LRRC4C: variants seen among roughly 807,000 people sequenced by gnomAD.
LRRC4C encodes the protein leucine rich repeat containing 4C.
Under a neutral mutation model 33.6 loss-of-function variants are expected in LRRC4C, and 5 were observed. That is an observed-to-expected ratio of 0.15 (90% CI 0.08 to 0.31). LRRC4C has a LOEUF of 0.31. LRRC4C is among the 10% of genes least tolerant of loss of function. LRRC4C has a pLI of 1.00. For missense variants in LRRC4C, 560 were observed against 796.7 expected, an observed-to-expected ratio of 0.70 and a Z score of 3.58; for synonymous variants, 329 against 302.0, an observed-to-expected ratio of 1.09 and a Z score of -0.93.
chr11:40,682,494 G>T (rs1461733818), intron 2 of LRRC4C, among the ~76,000 whole-genome samples: 2 of 152,028 alleles, frequency 1.3e-5, no homozygotes, highest in Non-Finnish European at 2.9e-5. Context: ...ATCTTTGTTT[G>T]TCTGGGTGCA....
At chr11:41,420,534 A>G (rs552562652) in intron 1 of LRRC4C, among the ~76,000 whole-genome samples, 2 of 152,216 alleles carry the variant, frequency 1.3e-5, no homozygotes, top group African/African-American at 2.4e-5. Context: ...TTGCTAGTGC[A>G]TATTTTCCTT....
intron 2 of LRRC4C, among the ~76,000 whole-genome samples, chr11:40,720,824 GTTA>G (rs1253509864): frequency 6.6e-6 from 1 of 152,146 alleles, no homozygotes; most frequent in Admixed American, 6.5e-5. Flanking sequence ...ATGTATAGGT[GTTA>G]TTCATGAGCA....
intron 1 of LRRC4C, among the ~76,000 whole-genome samples, chr11:41,210,767 T>C (rs988303905): frequency 3.9e-5 from 6 of 152,266 alleles, no homozygotes; most frequent in South Asian, 4.1e-4. Flanking sequence ...AACTTCACAG[T>C]TTATCATTCA....
chr11:41,447,031 G>A (rs900127357), intron 1 of LRRC4C, among the ~76,000 whole-genome samples: 4 of 152,184 alleles, frequency 2.6e-5, no homozygotes, highest in African/African-American at 7.2e-5. Context: ...AGCAGACAGA[G>A]TAGGCCATCG....
At chr11:40,379,521 T>A (rs1315713818) in intron 3 of LRRC4C, among the ~76,000 whole-genome samples, 1 of 152,178 alleles carries the variant, frequency 6.6e-6, no homozygotes, top group Non-Finnish European at 1.5e-5. Flanking sequence ...CTGAAATTAC[T>A]TTTATCTTTC....
rs372488464 is a variant in LRRC4C at position 40,114,523 on chromosome 11, G to A, written c.1770C>T (p.Ile590=). The A allele has an allele frequency of 1.9e-5, 30 of 1,613,984 alleles. No individual in the cohort carries two copies. Among genetic ancestry groups the A allele is most frequent in the African/African-American group, 5.3e-5 (4 of 74,902 alleles). ...TATAGTGATTTAGGTGCTCATGCTC[G>A]ATAGCAGGCATGGGCAGGTGGCTTT... ...PMESHLPMPA[I]EHEHLNHYNS... Residue 590 remains isoleucine (I), a synonymous_variant, in exon 7 of 7, where the codon ATC becomes ATT. Transcript: ENST00000528697.
At chr11:41,161,888 G>T (rs1415344514) in intron 1 of LRRC4C, among the ~76,000 whole-genome samples, 1 of 152,158 alleles carries the variant, frequency 6.6e-6, no homozygotes, top group African/African-American at 2.4e-5. Context: ...ACACCTCTAG[G>T]TGGTTTCACC....
Position 40,606,724 on chromosome 11 carries a change from G to A in LRRC4C, c.-270+41418C>T, listed in dbSNP as rs376573691. Reference sequence around the variant, plus strand: ...TTTGGAGGTGAGGAATACAATCACTGAAACGAAAAACTTATTTGTGGGGGT... The same window carrying A: ...TTTGGAGGTGAGGAATACAATCACTAAAACGAAAAACTTATTTGTGGGGGT... On this transcript the variant is annotated intron_variant, in intron 3 of 6. Coordinates refer to ENST00000528697, the MANE Select transcript of LRRC4C (RefSeq NM_001258419.2). Among the ~76,000 whole-genome samples, 3 of 152,140 alleles carry A rather than the reference G, an allele frequency of 2.0e-5. No homozygotes were observed. In the East Asian group the frequency reaches 5.8e-4, roughly 29 times the overall value.
chr11:41,447,669 C>A (rs967798060), intron 1 of LRRC4C, among the ~76,000 whole-genome samples: 3 of 152,176 alleles, frequency 2.0e-5, no homozygotes, highest in Non-Finnish European at 4.4e-5. Flanking sequence ...AATGGTAAGA[C>A]AACCCTGAAA....
chr11:40,965,242 G>A (rs920568803), intron 1 of LRRC4C, among the ~76,000 whole-genome samples: 1 of 151,934 alleles, frequency 6.6e-6, no homozygotes, highest in African/African-American at 2.4e-5. Context: ...AAATTTGTTT[G>A]AGTTCATTGT....
chr11:40,719,458 G>A (rs1021517932), intron 2 of LRRC4C, among the ~76,000 whole-genome samples: 6 of 152,052 alleles, frequency 3.9e-5, no homozygotes, highest in Non-Finnish European at 5.9e-5. Context: ...GTTAGATCTC[G>A]GAGTCATAGC....
chr11:40,442,886 A>C (rs1402993858), intron 3 of LRRC4C, among the ~76,000 whole-genome samples: 1 of 152,198 alleles, frequency 6.6e-6, no homozygotes, highest in Non-Finnish European at 1.5e-5. Flanking sequence ...AATTGCCTGT[A>C]CTTTATGTCT....
chr11:40,584,900 C>A (rs1958643736), intron 3 of LRRC4C, among the ~76,000 whole-genome samples: 1 of 150,392 alleles, frequency 6.6e-6, no homozygotes. Flanking sequence ...CCACCACATT[C>A]CAAATTGGGC....
At chr11:41,148,918 T>C (rs1943854847) in intron 1 of LRRC4C, among the ~76,000 whole-genome samples, 1 of 152,144 alleles carries the variant, frequency 6.6e-6, no homozygotes, top group South Asian at 2.1e-4. Flanking sequence ...TACCGAATCA[T>C]AGCACCAGCT....
intron 1 of LRRC4C, among the ~76,000 whole-genome samples, chr11:41,333,435 G>A (rs959632): frequency 0.2 from 30,196 of 152,100 alleles, 3,305 homozygotes; most frequent in East Asian, 0.45. Flanking sequence ...GCGTATTTTA[G>A]GAATTATTCA....
At chr11:41,365,153 C>T (rs145406902) in intron 1 of LRRC4C, among the ~76,000 whole-genome samples, 3 of 152,258 alleles carry the variant, frequency 2.0e-5, no homozygotes, top group African/African-American at 4.8e-5. Flanking sequence ...GCTAGCATTA[C>T]TGCCTGAGCT....
rs748483585 is a variant in LRRC4C, at chr11:40,834,911, G to GACAGACAGACACACACACACACACACAC, written c.-407+98723_-407+98724insGTGTGTGTGTGTGTGTGTGTCTGTCTGT. 2.3e-3 allele frequency among the ~76,000 whole-genome samples: 196 copies of GACAGACAGACACACACACACACACACAC among 84,922 alleles called. 3 individuals are homozygous for GACAGACAGACACACACACACACACACAC. Among genetic ancestry groups the GACAGACAGACACACACACACACACACAC allele is most frequent in the East Asian group, 4.7e-3 (10 of 2,126 alleles). 55.7% of individuals were successfully genotyped at this position (84,922 alleles called of 152,430 possible). ...AGACAGACAGACAGACAGACAGACA[G>GACAGACAGACACACACACACACACACAC]ACACACACACACACACACACACACA... On this transcript the variant is annotated intron_variant, in intron 2 of 6. Transcript: ENST00000528697.
chr11:41,026,859 T>A, intron 1 of LRRC4C, among the ~76,000 whole-genome samples: 1 of 151,710 alleles, frequency 6.6e-6, no homozygotes, highest in East Asian at 1.9e-4. Flanking sequence ...TACTGCACAC[T>A]TAACAGACTA....
At chr11:40,536,519 T>C (rs1365472192) in intron 3 of LRRC4C, among the ~76,000 whole-genome samples, 1 of 152,176 alleles carries the variant, frequency 6.6e-6, no homozygotes, top group Non-Finnish European at 1.5e-5. Flanking sequence ...ACAAGTCTTT[T>C]AGGTGATTCT....
Sources: allele counts gnomAD v4.1 joint callset (sites outside exome capture counted in the v4.1 genomes callset), GRCh38; gene constraint gnomAD v4.1.1; transcripts MANE v1.5; gene names NCBI Gene and HGNC (gene_info 2026-07-23, HGNC 2026-07-21).